The following RASGRF2 variants were observed in gnomAD, a reference collection of about 807,000 sequenced individuals.
RASGRF2 encodes the protein Ras protein specific guanine nucleotide releasing factor 2.
A neutral mutation model predicts 151.0 loss-of-function variants in RASGRF2; 76 were observed. That is an observed-to-expected ratio of 0.50 (90% CI 0.42 to 0.61). The LOEUF is 0.61. Among genes scored for constraint, RASGRF2 ranks in the 20% least tolerant of loss-of-function variants. The pLI is 0.00. For missense variants in RASGRF2, 1,148 were observed against 1,564.6 expected, an observed-to-expected ratio of 0.73 and a Z score of 4.49; for synonymous variants, 504 against 566.5, an observed-to-expected ratio of 0.89 and a Z score of 1.57.
Position 81,080,215 on chromosome 5 carries a change from T to C in RASGRF2, c.967+15T>C, listed in dbSNP as rs201731550. 6.3e-7 allele frequency: 1 copy of C among 1,591,554 alleles called. No individual in the cohort carries two copies. Reference sequence around the variant, plus strand: ...TTTAATTTTAGGTAAGTGCATTCTTTAAAGGTGTAAGATTTTCTTTTAGAG... The same window carrying C: ...TTTAATTTTAGGTAAGTGCATTCTTCAAAGGTGTAAGATTTTCTTTTAGAG... On this transcript the variant is annotated intron_variant, in intron 6 of 26. Coordinates refer to ENST00000265080, the MANE Select transcript of RASGRF2 (RefSeq NM_006909.3).
At chr5:81,144,434 T>TA (rs1287542244) in intron 17 of RASGRF2, among the ~76,000 whole-genome samples, 8 of 152,246 alleles carry the variant, frequency 5.3e-5, no homozygotes, top group Admixed American at 2.6e-4. Context: ...TGCCGGCACT[T>TA]ACAGCCTATG....
chr5:81,071,290 C>G (rs1347812417), intron 4 of RASGRF2, among the ~76,000 whole-genome samples: 3 of 152,096 alleles, frequency 2.0e-5, no homozygotes, highest in Non-Finnish European at 2.9e-5. Context: ...TGTTATTATT[C>G]CTCTTATTTT....
chr5:81,008,812 A>C (rs1177698682), intron 1 of RASGRF2, among the ~76,000 whole-genome samples: 1 of 152,186 alleles, frequency 6.6e-6, no homozygotes, highest in Non-Finnish European at 1.5e-5. Flanking sequence ...TCAAGGGCAG[A>C]ATAGAATTTT....
intron 17 of RASGRF2, among the ~76,000 whole-genome samples, chr5:81,144,978 G>A (rs904628621): frequency 1.3e-5 from 2 of 152,092 alleles, no homozygotes; most frequent in Non-Finnish European, 2.9e-5. Context: ...AGTGGCTCAC[G>A]CCTGTAATCC....
intron 2 of RASGRF2, among the ~76,000 whole-genome samples, chr5:81,066,281 A>G (rs1751599534): frequency 6.6e-6 from 1 of 152,000 alleles, no homozygotes; most frequent in East Asian, 1.9e-4. Context: ...GTAATTTCTC[A>G]GAACGAGTGA....
intron 8 of RASGRF2, 78 bp from the exon 9 acceptor site, chr5:81,086,757 G>A: frequency 1.7e-6 from 2 of 1,184,820 alleles, no homozygotes; most frequent in Non-Finnish European, 1.2e-6. Flanking sequence ...GAGCTTCTCA[G>A]ATGGAGCTCT....
rs775257298 is a variant in RASGRF2 at position 80,960,967 on chromosome 5, C to G, written c.229C>G (p.Pro77Ala). Reference protein sequence around the residue: ...LLEGCSCERTPAPPRAGAGQG... With the variant: ...LLEGCSCERTAAPPRAGAGQG... ...GGAGGGCTGCAGCTGCGAACGAACG[C>G]CCGCGCCACCCAGGGCCGGCGCCGG... Residue 77 changes from proline to alanine, a missense_variant, in exon 1 of 27, where the codon CCC (proline) becomes GCC (alanine). Pro to Ala is a conservative substitution (Grantham distance 27). This residue lies in a region of RASGRF2 where 221 missense variants were observed against 271.3 expected (regional missense o/e 0.81). Transcript: ENST00000265080. This position sits in a 1 kb window ranked among gnomAD's most constrained non-coding sequence, Gnocchi z 5.5. 1 of 1,562,704 alleles carries G rather than the reference C, an allele frequency of 6.4e-7. No homozygotes were observed. The highest frequency in any genetic ancestry group is 1.4e-5 in the African/African-American group (1 of 73,872).
intron 17 of RASGRF2, among the ~76,000 whole-genome samples, chr5:81,146,940 A>T (rs916114238): frequency 1.3e-5 from 2 of 152,208 alleles, no homozygotes; most frequent in African/African-American, 4.8e-5. Context: ...ACAGTACCAT[A>T]TCAGGTACTG....
intron 1 of RASGRF2, among the ~76,000 whole-genome samples, chr5:81,024,285 A>C (rs1749937917): frequency 1.3e-5 from 1 of 79,900 alleles, no homozygotes; most frequent in African/African-American, 6.0e-5. Flanking sequence ...TTGAGACAGA[A>C]GTTTGCTTTT....
chr5:81,003,141 C>T (rs1749134362), intron 1 of RASGRF2, among the ~76,000 whole-genome samples: 1 of 151,838 alleles, frequency 6.6e-6, no homozygotes, highest in Admixed American at 6.6e-5. Flanking sequence ...CTGCAACCTC[C>T]ACCTACCAGG....
intron 1 of RASGRF2, among the ~76,000 whole-genome samples, chr5:81,034,953 T>TA (rs550924169): frequency 5.0e-4 from 75 of 150,084 alleles, no homozygotes; most frequent in African/African-American, 8.3e-4. Flanking sequence ...ATAATAAAAA[T>TA]AAAAAAAAAG....
intron 1 of RASGRF2, among the ~76,000 whole-genome samples, chr5:81,015,696 A>G (rs370446358): frequency 3.1e-4 from 47 of 152,288 alleles, no homozygotes; most frequent in African/African-American, 1.1e-3. Flanking sequence ...CTTCATGAGC[A>G]TATGACATTT....
intron 17 of RASGRF2, among the ~76,000 whole-genome samples, chr5:81,142,121 T>C (rs752327468): frequency 3.3e-5 from 5 of 152,188 alleles, no homozygotes; most frequent in Non-Finnish European, 5.9e-5. Flanking sequence ...GAATTACATA[T>C]CAATTTTCTG....
At chr5:80,965,363 T>A (rs1052711095) in intron 1 of RASGRF2, among the ~76,000 whole-genome samples, 1 of 152,168 alleles carries the variant, frequency 6.6e-6, no homozygotes, top group Non-Finnish European at 1.5e-5. Context: ...TCTTATACAA[T>A]GTTAAAAAAT....
intron 2 of RASGRF2, among the ~76,000 whole-genome samples, chr5:81,055,958 T>G (rs1751194222): frequency 6.6e-6 from 1 of 152,238 alleles, no homozygotes; most frequent in Admixed American, 6.5e-5. Context: ...TTTGTATTTC[T>G]GTGGGATCAG....
At chr5:81,125,520 T>C (rs888278426) in intron 16 of RASGRF2, among the ~76,000 whole-genome samples, 1 of 152,226 alleles carries the variant, frequency 6.6e-6, no homozygotes, top group Non-Finnish European at 1.5e-5. Flanking sequence ...CTATTCTTCT[T>C]AGAGCTTTGG....
chr5:81,201,031 C>T (rs766947121), intron 18 of RASGRF2, among the ~76,000 whole-genome samples: 11 of 152,176 alleles, frequency 7.2e-5, no homozygotes, highest in South Asian at 4.2e-4. Flanking sequence ...GCCAGGGCCT[C>T]GTAAGCTCTG....
chr5:81,021,003 CG>C (rs1347112465), intron 1 of RASGRF2, among the ~76,000 whole-genome samples: 1 of 152,162 alleles, frequency 6.6e-6, no homozygotes, highest in Admixed American at 6.5e-5. Context: ...CCGATGTGAA[CG>C]CACCACAGAT....
chr5:81,030,514 GA>G (rs1750202345), intron 1 of RASGRF2, among the ~76,000 whole-genome samples: 1 of 152,162 alleles, frequency 6.6e-6, no homozygotes. Flanking sequence ...TTAAAGAAAA[GA>G]ATTTTCAACC....
Sources: gnomAD v4.1 joint callset for allele counts (sites outside exome capture counted in the v4.1 genomes callset) on GRCh38, gnomAD v4.1.1 for gene constraint, gnomAD v4.1.1 regional missense constraint, Gnocchi (gnomAD v3.1) non-coding constraint, MANE v1.5 for transcripts, NCBI Gene and HGNC (gene_info 2026-07-23, HGNC 2026-07-21) for gene names.